Variants in TTC39B observed in about 807,000 individuals in gnomAD.
TTC39B encodes the protein tetratricopeptide repeat domain 39B.
A neutral mutation model predicts 96.6 loss-of-function variants in TTC39B; 92 were observed. The observed-to-expected ratio is 0.95, with a 90% CI of 0.80 to 1.13. The LOEUF is 1.13. Ranked by LOEUF, TTC39B falls within the 50% of genes most tolerant of loss-of-function variation. TTC39B has a pLI of 0.00. For missense variants in TTC39B, 955 were observed against 809.3 expected (o/e 1.18, Z -2.18); for synonymous variants, 367 against 299.4 (o/e 1.23, Z -2.33).
chr9:15,212,326 T>C (rs1396410270), intron 4 of TTC39B, among the ~76,000 whole-genome samples: 1 of 149,560 alleles, frequency 6.7e-6, no homozygotes, highest in African/African-American at 2.5e-5. Flanking sequence ...CCAAAGTTAA[T>C]CATTAATTGT....
At chr9:15,194,605 C>T (rs1452816082) in intron 8 of TTC39B, among the ~76,000 whole-genome samples, 1 of 152,188 alleles carries the variant, frequency 6.6e-6, no homozygotes, top group Non-Finnish European at 1.5e-5. Flanking sequence ...TGTGGCAACT[C>T]TGTGTTGAGC....
At chr9:15,259,106 CT>C (rs1486292251) in intron 2 of TTC39B, among the ~76,000 whole-genome samples, 3 of 152,130 alleles carry the variant, frequency 2.0e-5, no homozygotes, top group Non-Finnish European at 2.9e-5. Flanking sequence ...TTACCTTGAG[CT>C]TTTTAAAGAA....
chr9:15,257,047 T>G (rs1274321998), intron 2 of TTC39B, among the ~76,000 whole-genome samples: 1 of 152,200 alleles, frequency 6.6e-6, no homozygotes, highest in Non-Finnish European at 1.5e-5. Flanking sequence ...CGGAGAAATT[T>G]GAGCACTGAC....
chr9:15,165,699 A>T (rs1258935979), exon 20 of TTC39B: 2 of 152,212 alleles, frequency 1.3e-5, no homozygotes, highest in Non-Finnish European at 2.9e-5. Context: ...CAAAGGGGGA[A>T]AAGCCCCTTA....
intron 2 of TTC39B, among the ~76,000 whole-genome samples, chr9:15,257,455 A>C (rs562030637): frequency 6.6e-6 from 1 of 150,816 alleles, no homozygotes; most frequent in Non-Finnish European, 1.5e-5. Context: ...TCATATTAAA[A>C]ATTTTTTTTT....
intron 2 of TTC39B, among the ~76,000 whole-genome samples, chr9:15,234,509 A>G (rs1027679431): frequency 7.1e-6 from 1 of 141,152 alleles, no homozygotes; most frequent in Admixed American, 7.1e-5. Context: ...CTGCCTGGCC[A>G]CCACCCCGTC....
Position 15,306,005 on chromosome 9 carries a change from GT to G in TTC39B, c.240+1078del, listed in dbSNP as rs1484548200. The stretch of plus-strand genomic sequence containing the variant: ...GCAGAGGAGCTGTAGTTCAGTTTTT[GT>G]TTTTTGTTTATTTTACGGAGCACAT... On this transcript the variant is annotated intron_variant, in intron 1 of 19. Coordinates refer to ENST00000512701, the Ensembl canonical transcript of TTC39B. This position sits in a 1 kb window ranked among gnomAD's most constrained non-coding sequence, Gnocchi z 5.1. 3.9e-5 allele frequency among the ~76,000 whole-genome samples: 6 copies of G among 151,996 alleles called. No individual in the cohort carries two copies. The highest frequency in any genetic ancestry group is 7.4e-5 in the Non-Finnish European group (5 of 68,012).
In TTC39B at chr9:15,203,828, CA is replaced by C; in HGVS notation, c.753del (p.Phe251LeufsTer7). The C allele has an allele frequency of 6.2e-7, 1 of 1,612,422 alleles. No individual in the cohort carries two copies. The highest frequency in any genetic ancestry group is 8.5e-7 in the Non-Finnish European group (1 of 1,179,176). On this transcript the variant is annotated frameshift_variant, in exon 7 of 20. Coordinates refer to ENST00000512701, the Ensembl canonical transcript of TTC39B. LOFTEE classifies it high-confidence loss of function. ...CCAAGCCAAATATTCATTACCTGCA[CA>C]AACGTGAGTGCAGCTTTCTGTAGGA...
At chr9:15,197,215 G>A (rs1819220568) in intron 8 of TTC39B, among the ~76,000 whole-genome samples, 2 of 152,132 alleles carry the variant, frequency 1.3e-5, no homozygotes, top group Admixed American at 6.5e-5. Flanking sequence ...TATCTCTGAG[G>A]TATACCTGTA....
intron 3 of TTC39B, among the ~76,000 whole-genome samples, chr9:15,219,062 T>G (rs1302334350): frequency 6.6e-6 from 1 of 152,206 alleles, no homozygotes; most frequent in Non-Finnish European, 1.5e-5. Context: ...AAAAACTGAT[T>G]TATAAAAATT....
chr9:15,271,067 C>T (rs141077973), intron 1 of TTC39B, among the ~76,000 whole-genome samples: 3,960 of 148,552 alleles, frequency 0.027, 171 homozygotes, highest in African/African-American at 0.093. Context: ...CAATCTCAGG[C>T]TTAAAACCAA....
chr9:15,262,934 T>A (rs1018351576), intron 2 of TTC39B, among the ~76,000 whole-genome samples: 7 of 152,214 alleles, frequency 4.6e-5, no homozygotes, highest in African/African-American at 1.7e-4. Context: ...ACAAAGGGAA[T>A]GTTATAGTAT....
intron 1 of TTC39B, among the ~76,000 whole-genome samples, chr9:15,299,520 C>T (rs1380432534): frequency 1.3e-5 from 2 of 152,044 alleles, no homozygotes; most frequent in Admixed American, 6.6e-5. Context: ...CACAGATCCA[C>T]GAAGCACAGG....
intron 2 of TTC39B, among the ~76,000 whole-genome samples, chr9:15,237,653 TG>T (rs1222126265): frequency 1.0e-4 from 11 of 110,458 alleles, no homozygotes; most frequent in Non-Finnish European, 1.6e-4. Context: ...AAAAATCTTC[TG>T]GAAAAAAAAA....
At chr9:15,209,434 T>C (rs1349424623) in intron 6 of TTC39B, among the ~76,000 whole-genome samples, 1 of 152,146 alleles carries the variant, frequency 6.6e-6, no homozygotes, top group Non-Finnish European at 1.5e-5. Flanking sequence ...TTAAAAGATA[T>C]CAAAATTACT....
chr9:15,177,341 AAAAAG>A (rs1270636161), intron 18 of TTC39B, among the ~76,000 whole-genome samples: 6 of 152,212 alleles, frequency 3.9e-5, no homozygotes, highest in South Asian at 4.1e-4. Context: ...TCTCTTAAAA[AAAAAG>A]AAAAGAAAAG....
rs1586938459 is a variant in TTC39B, at chr9:15,237,948, G to A, written c.276-11936C>T. 2.0e-5 allele frequency among the ~76,000 whole-genome samples: 3 copies of A among 152,250 alleles called. No individual in the cohort carries two copies. In the East Asian group the frequency reaches 5.8e-4, roughly 29 times the overall value. On this transcript the variant is annotated intron_variant, in intron 2 of 19. Coordinates refer to ENST00000512701, the Ensembl canonical transcript of TTC39B. ...AAAATATAATTCATCACAATCAAGT[G>A]AGCTTTATTCCAGGTATGCAAGGAT...
intron 6 of TTC39B, among the ~76,000 whole-genome samples, chr9:15,205,511 A>G (rs16932825): frequency 0.011 from 1,634 of 152,310 alleles, 30 homozygotes; most frequent in African/African-American, 0.037. Context: ...GGTCTTCAAC[A>G]GTACACAGAA....
intron 1 of TTC39B, among the ~76,000 whole-genome samples, chr9:15,305,243 T>C (rs530268292): frequency 1.2e-3 from 185 of 152,304 alleles, no homozygotes; most frequent in Non-Finnish European, 1.6e-3. Context: ...TTAGAGTTCT[T>C]GTACCCAGGT....
Sources: allele counts gnomAD v4.1 joint callset (sites outside exome capture counted in the v4.1 genomes callset), GRCh38; gene constraint gnomAD v4.1.1; non-coding constraint Gnocchi (gnomAD v3.1); transcripts MANE v1.5; gene names NCBI Gene and HGNC (gene_info 2026-07-23, HGNC 2026-07-21).